COL7A1: variants seen among roughly 807,000 people sequenced by gnomAD.
COL7A1 encodes collagen type VII alpha 1 chain, also known as collagen alpha-1(VII) chain.
COL7A1 carries 296 observed loss-of-function variants against 456.2 expected under a neutral mutation model. That is an observed-to-expected ratio of 0.65 (90% confidence interval 0.59 to 0.71). COL7A1 has a LOEUF of 0.71. Ranked by LOEUF, COL7A1 falls within the 30% of genes least tolerant of loss-of-function variation. The pLI is 0.00. For synonymous variants in COL7A1, 1,464 were observed against 1,525.9 expected (o/e 0.96, Z 0.95); for missense variants, 3,441 against 4,017.2 (o/e 0.86, Z 3.88).
rs2043612365 is a variant in COL7A1 at position 48,566,495 on chromosome 3, C to T, written c.8358+15G>A. On this transcript the variant is annotated intron_variant, in intron 113 of 118. Coordinates refer to ENST00000681320, the MANE Select transcript of COL7A1 (RefSeq NM_000094.4). This position sits in a 1 kb window ranked among gnomAD's most constrained non-coding sequence, Gnocchi z 5.9. The stretch of plus-strand genomic sequence containing the variant: ...CCACCCAGGCCCTCCCAGGCCCATC[C>T]AGGCCCACACTCACCGTCAGTGCAG... 6.2e-7 allele frequency: 1 copy of T among 1,613,892 alleles called. No individual in the cohort carries two copies. Among genetic ancestry groups the T allele is most frequent in the African/African-American group, 1.3e-5 (1 of 74,926 alleles).
rs771444964 is a variant in COL7A1, at chr3:48,565,675, G to C, written c.8408-7C>G. On this transcript the variant is annotated splice_region_variant and splice_polypyrimidine_tract_variant and intron_variant, in intron 114 of 118. Coordinates refer to ENST00000681320, the MANE Select transcript of COL7A1 (RefSeq NM_000094.4). This position sits in a 1 kb window ranked among gnomAD's most constrained non-coding sequence, Gnocchi z 4.5. ...ATGAACTGGCCCTGGCAGGCTAGAG[G>C]GGGCAGAGAGGGATAGAGAGACAAT... 7.4e-6 allele frequency: 12 copies of C among 1,612,080 alleles called. No homozygotes were observed. The highest frequency in any genetic ancestry group is 9.3e-6 in the Non-Finnish European group (11 of 1,179,098).
chr3:48,577,555 G>C (rs1322425816), intron 65 of COL7A1, among the ~76,000 whole-genome samples: 1 of 152,210 alleles, frequency 6.6e-6, no homozygotes, highest in African/African-American at 2.4e-5. Context: ...AAAGTCATGG[G>C]CCAGCATGTC....
At position 48,578,278 on chromosome 3, in the gene COL7A1, G is replaced by A. The variant is rs373137427; in HGVS notation, c.5532+43C>T. 4.0e-4 allele frequency: 645 copies of A among 1,611,384 alleles called. No individual in the cohort carries two copies. The highest frequency in any genetic ancestry group is 4.6e-4 in the Non-Finnish European group (546 of 1,179,534). ...ATCTTGGCTGTGTAGGTGTGCTGGCGTTTCTTGGCAGGTTTCGCCGCAGCT... is the reference window on the plus strand; with the variant it reads ...ATCTTGGCTGTGTAGGTGTGCTGGCATTTCTTGGCAGGTTTCGCCGCAGCT... On this transcript the variant is annotated intron_variant, in intron 65 of 118. Transcript: ENST00000681320. This position sits in a 1 kb window ranked among gnomAD's most constrained non-coding sequence, Gnocchi z 4.7.
chr3:48,580,237 C>T lies in COL7A1; in HGVS notation c.5097+63G>A. On this transcript the variant is annotated intron_variant, in intron 56 of 118. Transcript: ENST00000681320. The surrounding 1 kb of genome is among the most constrained non-coding windows in gnomAD (Gnocchi z 4.5). The stretch of plus-strand genomic sequence containing the variant: ...CCTCCAGACCCCTTGTGTGAAGGCA[C>T]ACTGGCAGCAGCGCCAGGGGACCCT... 1.9e-6 allele frequency: 3 copies of T among 1,585,682 alleles called. No homozygotes were observed. The highest frequency in any genetic ancestry group is 1.1e-5 in the South Asian group (1 of 88,510).
rs766004888 is a variant in COL7A1, at chr3:48,588,623, C to T, written c.2587+19G>A. The T allele has an allele frequency of 5.6e-6, 9 of 1,613,696 alleles. No homozygotes were observed. The African/African-American group carries it at 9.3e-5, about 17-fold the overall frequency. On this transcript the variant is annotated intron_variant, in intron 20 of 118. Coordinates refer to ENST00000681320, the MANE Select transcript of COL7A1 (RefSeq NM_000094.4). The surrounding 1 kb of genome is among the most constrained non-coding windows in gnomAD (Gnocchi z 4.6). ...TCCACACCACCCATCCGAAGCTCTC[C>T]AGCGCATGCTCTGCCTACGCGTAGT...
Position 48,570,625 on chromosome 3 carries a change from G to A in COL7A1, c.7344+14C>T, listed in dbSNP as rs547674036. The A allele has an allele frequency of 4.4e-6, 7 of 1,608,438 alleles. No homozygotes were observed. The highest frequency in any genetic ancestry group is 5.1e-6 in the Non-Finnish European group (6 of 1,177,404). On this transcript the variant is annotated intron_variant, in intron 96 of 118. Coordinates refer to ENST00000681320, the MANE Select transcript of COL7A1 (RefSeq NM_000094.4). This position sits in a 1 kb window ranked among gnomAD's most constrained non-coding sequence, Gnocchi z 5.5. ...GAAATCAAATACGTGGGGCTTTAGG[G>A]CACCTCTACTCACCACTGACCCCGG...
chr3:48,583,178 A>G lies in COL7A1; in HGVS notation c.4438-7T>C, dbSNP rs2044905140. On this transcript the variant is annotated splice_region_variant and splice_polypyrimidine_tract_variant and intron_variant, in intron 42 of 118. Transcript: ENST00000681320. The surrounding 1 kb of genome is among the most constrained non-coding windows in gnomAD (Gnocchi z 5.1). ...CTGGAAAGCCCCGGTCACCCTGAAG[A>G]GAGAGGGTGAGAGAAAGACAGAGAG... 1 of 1,613,696 alleles carries G rather than the reference A, an allele frequency of 6.2e-7. No individual in the cohort carries two copies. The highest frequency in any genetic ancestry group is 2.2e-5 in the East Asian group (1 of 44,876).
rs191878752 is a variant in COL7A1, at chr3:48,584,646, G to A, written c.4047+88C>T. 145 of 1,611,912 alleles carry A rather than the reference G, an allele frequency of 9.0e-5. No homozygotes were observed. In the African/African-American group the frequency reaches 1.3e-3, roughly 15 times the overall value. ...TAGACATGTCCAGCTATTCCTATTCGCGCCTTAGGCCCTGCACAGGGTCTG... is the reference window on the plus strand; with the variant it reads ...TAGACATGTCCAGCTATTCCTATTCACGCCTTAGGCCCTGCACAGGGTCTG... On this transcript the variant is annotated intron_variant, in intron 35 of 118. Transcript: ENST00000681320.
In COL7A1 at chr3:48,588,613, C is replaced by T. The variant is rs769815094; in HGVS notation, c.2587+29G>A. 6.8e-5 allele frequency: 109 copies of T among 1,613,642 alleles called. No individual in the cohort carries two copies. Among genetic ancestry groups the T allele is most frequent in the Non-Finnish European group, 8.2e-5 (97 of 1,180,052 alleles). ...CCCCAAACCATCCACACCACCCATC[C>T]GAAGCTCTCCAGCGCATGCTCTGCC... On this transcript the variant is annotated intron_variant, in intron 20 of 118. Coordinates refer to ENST00000681320, the MANE Select transcript of COL7A1 (RefSeq NM_000094.4). The surrounding 1 kb of genome is among the most constrained non-coding windows in gnomAD (Gnocchi z 4.6).
chr3:48,566,653 T>TA lies in COL7A1; in HGVS notation c.8304+6dup. The TA allele has an allele frequency of 6.2e-7, 1 of 1,614,164 alleles. No individual in the cohort carries two copies. The highest frequency in any genetic ancestry group is 8.5e-7 in the Non-Finnish European group (1 of 1,180,016). ...TCTCTGACCCAAGCCTTGGAATCCC[T>TA]ACTCACCTGCTCCCCTCTCTCGCCA... On this transcript the variant is annotated splice_region_variant and intron_variant, in intron 112 of 118. Transcript: ENST00000681320. This position sits in a 1 kb window ranked among gnomAD's most constrained non-coding sequence, Gnocchi z 5.9.
In COL7A1 at chr3:48,567,807, C is replaced by T. The variant is rs374721744; in HGVS notation, c.7929+31G>A. 3.2e-5 allele frequency: 52 copies of T among 1,614,094 alleles called. No individual in the cohort carries two copies. The African/African-American group carries it at 5.5e-4, about 17-fold the overall frequency. On this transcript the variant is annotated intron_variant, in intron 107 of 118. Coordinates refer to ENST00000681320, the MANE Select transcript of COL7A1 (RefSeq NM_000094.4). This position sits in a 1 kb window ranked among gnomAD's most constrained non-coding sequence, Gnocchi z 4.3. ...GGGGTGAGCCTTAGGCCCCAGGCCA[C>T]GTAGCCCCCCAGCCCCCATCCCCTC... is the stretch of plus-strand genomic sequence containing the variant.
In COL7A1 at chr3:48,569,861, A is replaced by G. The variant is rs2043800273; in HGVS notation, c.7521+19T>C. On this transcript the variant is annotated intron_variant, in intron 100 of 118. Transcript: ENST00000681320. This position sits in a 1 kb window ranked among gnomAD's most constrained non-coding sequence, Gnocchi z 4.9. ...CACTCACCCCCCCACTCATGCCAGG[A>G]CCTTCCCCACGTTCCTACCTTCTCC... 6.2e-7 allele frequency: 1 copy of G among 1,614,084 alleles called. No homozygotes were observed. The highest frequency in any genetic ancestry group is 2.2e-5 in the East Asian group (1 of 44,880).
rs2044784098 is a variant in COL7A1, at chr3:48,581,866, A to G, written c.4668+45T>C. 6.2e-7 allele frequency: 1 copy of G among 1,613,820 alleles called. No homozygotes were observed. The highest frequency in any genetic ancestry group is 1.3e-5 in the African/African-American group (1 of 74,882). ...CCCATAGATAGGCCCTATGACCTAG[A>G]CCTCAACCCTGTAGAAACCTCCCCT... On this transcript the variant is annotated intron_variant, in intron 48 of 118. Transcript: ENST00000681320. The surrounding 1 kb of genome is among the most constrained non-coding windows in gnomAD (Gnocchi z 5.8).
In COL7A1 at chr3:48,572,185, T is replaced by A. The variant is rs569303534; in HGVS notation, c.6979-14A>T. ...ACCTTTGGCTCCCTGTTGACAGAGG[T>A]CAGGAGGCAACACAGGCATCAGTCA... is the stretch of plus-strand genomic sequence containing the variant. On this transcript the variant is annotated splice_polypyrimidine_tract_variant and intron_variant, in intron 90 of 118. Coordinates refer to ENST00000681320, the MANE Select transcript of COL7A1 (RefSeq NM_000094.4). This position sits in a 1 kb window ranked among gnomAD's most constrained non-coding sequence, Gnocchi z 4.6. The A allele has an allele frequency of 3.3e-5, 53 of 1,613,798 alleles. 1 individual carries two copies. In the East Asian group the frequency reaches 5.4e-4, roughly 16 times the overall value.
chr3:48,564,618 C>G lies in COL7A1; in HGVS notation c.8818+165G>C. ...TACTGGGGGCTCCACGGCTGGGGCT[C>G]TATATTCAGCTCTTTGGTCTGGGCG... On this transcript the variant is annotated intron_variant, in intron 118 of 118. Transcript: ENST00000681320. This position sits in a 1 kb window ranked among gnomAD's most constrained non-coding sequence, Gnocchi z 6.0. The G allele has an allele frequency of 6.9e-6, 7 of 1,021,410 alleles. No homozygotes were observed. Among genetic ancestry groups the G allele is most frequent in the South Asian group, 6.1e-5 (4 of 65,662 alleles). The allele number at this position is 1,021,410 out of a possible 1,614,324, so 63.3% of individuals were successfully genotyped here.
In COL7A1 at chr3:48,588,607, C is replaced by T; in HGVS notation, c.2587+35G>A. ...CCGGATCCCCAAACCATCCACACCA[C>T]CCATCCGAAGCTCTCCAGCGCATGC... On this transcript the variant is annotated intron_variant, in intron 20 of 118. Transcript: ENST00000681320. The surrounding 1 kb of genome is among the most constrained non-coding windows in gnomAD (Gnocchi z 4.6). The T allele has an allele frequency of 6.8e-6, 11 of 1,613,736 alleles. No homozygotes were observed. The highest frequency in any genetic ancestry group is 9.3e-6 in the Non-Finnish European group (11 of 1,180,034).
chr3:48,576,931 A>G lies in COL7A1; in HGVS notation c.5569-12T>C. ...TCTCCTTTCTCTCCCTAAGGAAGAC[A>G]AGGATGCTTCAGGCATGGCTCCAAG... On this transcript the variant is annotated splice_polypyrimidine_tract_variant and intron_variant, in intron 66 of 118. Transcript: ENST00000681320. The G allele has an allele frequency of 1.2e-6, 2 of 1,614,036 alleles. No homozygotes were observed. Among genetic ancestry groups the G allele is most frequent in the South Asian group, 2.2e-5 (2 of 91,088 alleles).
At position 48,593,495 on chromosome 3, in the gene COL7A1, A is replaced by G; in HGVS notation, c.426+42T>C. 3 of 1,613,990 alleles carry G rather than the reference A, an allele frequency of 1.9e-6. No individual in the cohort carries two copies. Among genetic ancestry groups the G allele is most frequent in the South Asian group, 1.1e-5 (1 of 91,074 alleles). ...AAATCACGGTTCCCCTGGACACTTC[A>G]TTTGGGGTCATCTTGGGAGGCATGG... is the stretch of plus-strand genomic sequence containing the variant. On this transcript the variant is annotated intron_variant, in intron 4 of 118. Coordinates refer to ENST00000681320, the MANE Select transcript of COL7A1 (RefSeq NM_000094.4). The surrounding 1 kb of genome is among the most constrained non-coding windows in gnomAD (Gnocchi z 4.4).
Position 48,570,672 on chromosome 3 carries a change from T to C in COL7A1, c.7311A>G (p.Gly2437=). The C allele has an allele frequency of 6.3e-7, 1 of 1,590,086 alleles. No individual in the cohort carries two copies. The highest frequency in any genetic ancestry group is 1.1e-5 in the South Asian group (1 of 88,318). The change falls in exon 96 of 119, where the codon GGA becomes GGG. Residue 2437 remains glycine, a synonymous_variant. Transcript: ENST00000681320. The surrounding 1 kb of genome is among the most constrained non-coding windows in gnomAD (Gnocchi z 5.5). The part of the protein sequence containing the change: ...AGPPGREGIP[G]PLGPPGPPGS... ...CCGGTGGTCCAGGTGGCCCCAGGGG[T>C]CCTGGGATTCCTTCTCTCCCTGGGG...
Sources: gnomAD v4.1 joint callset for allele counts (sites outside exome capture counted in the v4.1 genomes callset) on GRCh38, gnomAD v4.1.1 for gene constraint, Gnocchi (gnomAD v3.1) non-coding constraint, MANE v1.5 for transcripts, NCBI Gene and HGNC (gene_info 2026-07-23, HGNC 2026-07-21) for gene names.